Variants in PRKCA observed in about 807,000 individuals in gnomAD.
The protein encoded by PRKCA is protein kinase C alpha type.
PRKCA carries 27 observed loss-of-function variants against 87.0 expected under a neutral mutation model. The ratio of observed to expected loss-of-function variants is 0.31; its 90% CI spans 0.23 to 0.43. PRKCA has a LOEUF of 0.43. Ranked by LOEUF, PRKCA falls within the 20% of genes least tolerant of loss-of-function variation. The pLI, the probability that PRKCA is intolerant of heterozygous loss-of-function variation, is 1.00. For missense variants in PRKCA, 518 were observed against 852.3 expected (o/e 0.61, Z 4.88); for synonymous variants, 329 against 311.1 (o/e 1.06, Z -0.61).
intron 2 of PRKCA, among the ~76,000 whole-genome samples, chr17:66,495,462 G>A (rs781604156): frequency 2.0e-5 from 3 of 152,002 alleles, no homozygotes; most frequent in Non-Finnish European, 4.4e-5. Flanking sequence ...TTTCAACCAC[G>A]GAATACAATG....
chr17:66,735,647 C>T lies in PRKCA; in HGVS notation c.1215C>T (p.Ser405=). 2.5e-6 allele frequency: 4 copies of T among 1,614,036 alleles called. No individual in the cohort carries two copies. The highest frequency in any genetic ancestry group is 3.4e-6 in the Non-Finnish European group (4 of 1,179,966). The change falls in exon 10 of 17, where the codon TCC becomes TCT. Residue 405 remains serine (S), a synonymous_variant. Transcript: ENST00000413366. The stretch of plus-strand genomic sequence containing the variant: ...CCCCGTTCTTGACGCAGCTGCACTC[C>T]TGCTTCCAGACAGTGGTAAGGACCC... ...DKPPFLTQLH[S]CFQTVDRLYF...
chr17:66,644,133 G>A (rs913352987), intron 4 of PRKCA, among the ~76,000 whole-genome samples: 4 of 152,176 alleles, frequency 2.6e-5, no homozygotes, highest in African/African-American at 9.7e-5. Context: ...GGCTAAATTC[G>A]AGGTGTAGAA....
intron 3 of PRKCA, among the ~76,000 whole-genome samples, chr17:66,615,813 G>A (rs1970502318): frequency 6.6e-6 from 1 of 152,020 alleles, no homozygotes; most frequent in Non-Finnish European, 1.5e-5. Context: ...TGCTGGCATT[G>A]AACATAAGGG....
intron 3 of PRKCA, among the ~76,000 whole-genome samples, chr17:66,602,389 C>T (rs899834136): frequency 2.7e-5 from 4 of 146,692 alleles, no homozygotes; most frequent in Admixed American, 6.8e-5. Context: ...TGACCCCTTG[C>T]GCTTCCCAGG....
At position 66,575,042 on chromosome 17, in the gene PRKCA, G is replaced by A. The variant is rs141018712; in HGVS notation, c.289-66313G>A. On this transcript the variant is annotated intron_variant, in intron 3 of 16. Transcript: ENST00000413366. Reference sequence around the variant, plus strand: ...TTTCCAGCTTCTCTTTGACATATCTGAATTGCCGGTGTCACCACTCTGGTA... The same window carrying A: ...TTTCCAGCTTCTCTTTGACATATCTAAATTGCCGGTGTCACCACTCTGGTA... Among the ~76,000 whole-genome samples the A allele has an allele frequency of 4.7e-3, 716 of 152,250 alleles. 5 individuals are homozygous for A. The highest frequency in any genetic ancestry group is 0.016 in the African/African-American group (649 of 41,548).
At chr17:66,696,692 T>C (rs1375019789) in intron 8 of PRKCA, among the ~76,000 whole-genome samples, 2 of 152,230 alleles carry the variant, frequency 1.3e-5, no homozygotes, top group Admixed American at 6.5e-5. Flanking sequence ...CAAGGACTTA[T>C]TTCTGAGAAC....
chr17:66,370,484 T>C (rs1223738469), intron 2 of PRKCA, among the ~76,000 whole-genome samples: 8 of 151,722 alleles, frequency 5.3e-5, no homozygotes. Flanking sequence ...GGTCAGCACT[T>C]TGTATAATTA....
intron 3 of PRKCA, among the ~76,000 whole-genome samples, chr17:66,603,275 G>A (rs1394475667): frequency 6.6e-6 from 1 of 152,112 alleles, no homozygotes; most frequent in East Asian, 1.9e-4. Context: ...TCCTGAACGC[G>A]TCATCTCCTT....
At chr17:66,425,651 T>C (rs1912758342) in intron 2 of PRKCA, among the ~76,000 whole-genome samples, 1 of 152,218 alleles carries the variant, frequency 6.6e-6, no homozygotes, top group African/African-American at 2.4e-5. Context: ...TAAACAGTGT[T>C]GCATGGAAAG....
intron 3 of PRKCA, among the ~76,000 whole-genome samples, chr17:66,497,051 C>T (rs577742605): frequency 1.2e-4 from 19 of 152,282 alleles, no homozygotes; most frequent in African/African-American, 3.4e-4. Flanking sequence ...GCTGCCTTTT[C>T]GGTGTATGTT....
At chr17:66,684,291 C>T (rs1045198894) in intron 5 of PRKCA, among the ~76,000 whole-genome samples, 1 of 152,166 alleles carries the variant, frequency 6.6e-6, no homozygotes, top group Non-Finnish European at 1.5e-5. Context: ...ATAATCCTTG[C>T]TTGAAGGAGA....
intron 5 of PRKCA, among the ~76,000 whole-genome samples, chr17:66,656,767 A>G (rs560172787): frequency 6.6e-6 from 1 of 152,296 alleles, no homozygotes; most frequent in Admixed American, 6.5e-5. Flanking sequence ...ATGTTCACCA[A>G]TGGAAATGTC....
intron 2 of PRKCA, among the ~76,000 whole-genome samples, chr17:66,459,061 G>A (rs1248484301): frequency 6.6e-6 from 1 of 152,026 alleles, no homozygotes; most frequent in African/African-American, 2.4e-5. Context: ...ACACACTCAG[G>A]TATTGTTAAG....
intron 2 of PRKCA, among the ~76,000 whole-genome samples, chr17:66,424,920 T>C (rs1912713044): frequency 6.6e-6 from 1 of 151,950 alleles, no homozygotes; most frequent in South Asian, 2.1e-4. Context: ...TGGCTAATTT[T>C]TTTTTGTGTG....
chr17:66,608,068 C>T (rs1363885526), intron 3 of PRKCA, among the ~76,000 whole-genome samples: 2 of 152,102 alleles, frequency 1.3e-5, no homozygotes, highest in East Asian at 3.9e-4. Flanking sequence ...TGACTTCTGT[C>T]GTCTGCTGGT....
intron 3 of PRKCA, among the ~76,000 whole-genome samples, chr17:66,635,167 C>G (rs2143767348): frequency 6.6e-6 from 1 of 152,296 alleles, no homozygotes; most frequent in South Asian, 2.1e-4. Context: ...TGCCTGCCAT[C>G]TGGGACTCAC....
intron 2 of PRKCA, among the ~76,000 whole-genome samples, chr17:66,372,753 G>A (rs375527603): frequency 3.9e-5 from 6 of 152,208 alleles, no homozygotes; most frequent in African/African-American, 1.4e-4. Context: ...GGATAAACTG[G>A]CAGCAATCTA....
intron 2 of PRKCA, among the ~76,000 whole-genome samples, chr17:66,309,980 C>T (rs951140706): frequency 3.3e-5 from 5 of 152,202 alleles, no homozygotes; most frequent in Non-Finnish European, 5.9e-5. Flanking sequence ...CAAATGCACT[C>T]TTTCTCTGGG....
chr17:66,791,023 G>A (rs1310878880), intron 16 of PRKCA, among the ~76,000 whole-genome samples: 1 of 150,400 alleles, frequency 6.6e-6, no homozygotes, highest in Admixed American at 6.6e-5. Flanking sequence ...TATACTTTAA[G>A]TTGTAGGGTA....
Sources: gnomAD v4.1 joint callset for allele counts (sites outside exome capture counted in the v4.1 genomes callset) on GRCh38, gnomAD v4.1.1 for gene constraint, MANE v1.5 for transcripts, NCBI Gene and HGNC (gene_info 2026-07-23, HGNC 2026-07-21) for gene names.